Variants in OR1L8 observed in about 807,000 individuals in gnomAD.
OR1L8 encodes olfactory receptor 1L8.
For synonymous variants in OR1L8, 148 were observed against 147.0 expected, an observed-to-expected ratio of 1.01 and a Z score of -0.05; for missense variants, 330 against 377.4, an observed-to-expected ratio of 0.87 and a Z score of 1.04.
At chr9:122,558,730 A>G in the OR1L8 span, among the ~76,000 whole-genome samples, 3 of 151,848 alleles carry the variant, frequency 2.0e-5, no homozygotes, top group East Asian at 5.8e-4. Flanking sequence ...TTTCATACAA[A>G]TTTGTCCTTT....
At chr9:122,566,446 A>C (rs1782178777), downstream of OR1L8, among the ~76,000 whole-genome samples, 1 of 152,008 alleles carries the variant, frequency 6.6e-6, no homozygotes, top group Non-Finnish European at 1.5e-5. Context: ...TATTTATATA[A>C]TGTTTTAATG....
At chr9:122,565,652 G>A (rs1829416703), downstream of OR1L8, among the ~76,000 whole-genome samples, 1 of 152,236 alleles carries the variant, frequency 6.6e-6, no homozygotes, top group Non-Finnish European at 1.5e-5. Context: ...CATAGAAGAA[G>A]TATGGATCCC....
rs118096724 is a variant in OR1L8 at position 122,577,658 on chromosome 9, G to A, written c.-478+666C>T. Among the ~76,000 whole-genome samples, 560 of 152,182 alleles carry A rather than the reference G, an allele frequency of 3.7e-3. 2 individuals carry two copies. Among genetic ancestry groups the A allele is most frequent in the Middle Eastern group, 0.014 (4 of 292 alleles). Reference sequence around the variant, plus strand: ...AGATTGAAAAGAATCATAATACCTAGTATTAACACTGAGAGTGCAGGTGGA... The same window carrying A: ...AGATTGAAAAGAATCATAATACCTAATATTAACACTGAGAGTGCAGGTGGA... On this transcript the variant is annotated intron_variant, in intron 2 of 4. Transcript: ENST00000641027.
At chr9:122,548,570 G>C in the OR1L8 span, among the ~76,000 whole-genome samples, 30,087 of 150,490 alleles carry the variant, frequency 0.2, 3,440 homozygotes, top group Middle Eastern at 0.29. Flanking sequence ...CATATCTTTT[G>C]TCCAATTTTT....
At chr9:122,546,854 C>T in the OR1L8 span, among the ~76,000 whole-genome samples, 1 of 151,960 alleles carries the variant, frequency 6.6e-6, no homozygotes, top group African/African-American at 2.4e-5. Flanking sequence ...TGTATGTATT[C>T]GGGGGGTACA....
chr9:122,579,746 T>C (rs1829715330), intron 1 of OR1L8, among the ~76,000 whole-genome samples: 1 of 152,168 alleles, frequency 6.6e-6, no homozygotes, highest in Admixed American at 6.6e-5. Context: ...TAGTCAAGAT[T>C]TGTGTAGGGA....
At chr9:122,552,389 G>A in the OR1L8 span, among the ~76,000 whole-genome samples, 7 of 152,252 alleles carry the variant, frequency 4.6e-5, no homozygotes, top group East Asian at 1.2e-3. Context: ...GATAAATGTA[G>A]TACAAATGTA....
downstream of OR1L8, among the ~76,000 whole-genome samples, chr9:122,565,998 T>G (rs527952016): frequency 1.3e-5 from 2 of 152,284 alleles, no homozygotes; most frequent in East Asian, 3.9e-4. Flanking sequence ...GTTAGGGATC[T>G]ATGGAGTATG....
At chr9:122,560,424 C>T in the OR1L8 span, among the ~76,000 whole-genome samples, 22 of 152,146 alleles carry the variant, frequency 1.4e-4, no homozygotes, top group Admixed American at 5.2e-4. Context: ...TTCATAGTAT[C>T]GTTGGTCTTT....
At chr9:122,571,201 G>A (rs1829540987) in intron 4 of OR1L8, among the ~76,000 whole-genome samples, 2 of 152,086 alleles carry the variant, frequency 1.3e-5, no homozygotes, top group African/African-American at 2.4e-5. Flanking sequence ...TGGTACAGAT[G>A]GTGGGATTTG....
the OR1L8 span, among the ~76,000 whole-genome samples, chr9:122,548,416 C>T: frequency 6.6e-6 from 1 of 152,128 alleles, no homozygotes; most frequent in Admixed American, 6.5e-5. Flanking sequence ...GAAATGTCAT[C>T]TCTTGTTTTT....
At chr9:122,547,554 T>C in the OR1L8 span, among the ~76,000 whole-genome samples, 1 of 151,916 alleles carries the variant, frequency 6.6e-6, no homozygotes, top group South Asian at 2.1e-4. Flanking sequence ...CTCCTGAGTC[T>C]CCAATGTCTA....
chr9:122,574,529 A>T (rs1282257914), intron 3 of OR1L8, among the ~76,000 whole-genome samples: 7 of 152,112 alleles, frequency 4.6e-5, no homozygotes, highest in Non-Finnish European at 8.8e-5. Context: ...TGGCTTTTGT[A>T]TATTAATCCT....
chr9:122,561,809 C>T, the OR1L8 span, among the ~76,000 whole-genome samples: 1 of 152,160 alleles, frequency 6.6e-6, no homozygotes, highest in Non-Finnish European at 1.5e-5. Flanking sequence ...GGGTCTCACC[C>T]AGTTGGTGGC....
chr9:122,576,166 C>T lies in OR1L8; in HGVS notation c.-342+600G>A, dbSNP rs564310637. 3.7e-4 allele frequency among the ~76,000 whole-genome samples: 56 copies of T among 151,522 alleles called. 1 individual carries two copies. In the South Asian group the frequency reaches 0.01, roughly 28 times the overall value. On this transcript the variant is annotated intron_variant, in intron 3 of 4. Coordinates refer to ENST00000641027, the MANE Select transcript of OR1L8 (RefSeq NM_001004454.2). ...TTTTTGCTGTTGACTTGTAAGAGTA[C>T]AGAAAGTATATACATATATATGTAT...
At chr9:122,570,930 A>T (rs1172430105) in intron 4 of OR1L8, among the ~76,000 whole-genome samples, 1 of 152,218 alleles carries the variant, frequency 6.6e-6, no homozygotes, top group Admixed American at 6.5e-5. Context: ...TTTTACATAC[A>T]GGAGGCTTAG....
chr9:122,582,786 C>T (rs181084625), intron 1 of OR1L8, among the ~76,000 whole-genome samples: 1 of 151,844 alleles, frequency 6.6e-6, no homozygotes, highest in Admixed American at 6.6e-5. Context: ...GAAATAACAA[C>T]AGAATGAGAC....
the OR1L8 span, among the ~76,000 whole-genome samples, chr9:122,547,975 T>C: frequency 1.3e-5 from 2 of 152,204 alleles, no homozygotes; most frequent in African/African-American, 2.4e-5. Context: ...ACTTTTACAA[T>C]AGCCATTCTG....
intron 1 of OR1L8, among the ~76,000 whole-genome samples, chr9:122,581,252 G>T (rs1379894002): frequency 6.6e-6 from 1 of 152,086 alleles, no homozygotes; most frequent in African/African-American, 2.4e-5. Context: ...TGTAATCCCA[G>T]CTACTTGGGA....
Sources: allele counts gnomAD v4.1 joint callset (sites outside exome capture counted in the v4.1 genomes callset), GRCh38; gene constraint gnomAD v4.1.1; transcripts MANE v1.5; gene names NCBI Gene and HGNC (gene_info 2026-07-23, HGNC 2026-07-21).